The following ALX4 variants were observed in gnomAD, a reference collection of about 807,000 sequenced individuals.
ALX4 encodes ALX homeobox 4, also known as homeobox protein aristaless-like 4.
A neutral mutation model predicts 40.6 loss-of-function variants in ALX4; 22 were observed. That is an observed-to-expected ratio of 0.54 (90% CI 0.39 to 0.77). The LOEUF (loss-of-function observed/expected upper bound fraction) is 0.77. Ranked by LOEUF, ALX4 falls within the 30% of genes least tolerant of loss-of-function variation. The pLI, the probability that ALX4 is intolerant of heterozygous loss-of-function variation, is 0.00. For missense variants in ALX4, 556 were observed against 564.8 expected (o/e 0.98, Z 0.16); for synonymous variants, 266 against 240.5 (o/e 1.11, Z -0.98).
intron 1 of ALX4, among the ~76,000 whole-genome samples, chr11:44,284,330 G>A (rs745467372): frequency 1.3e-5 from 2 of 152,174 alleles, no homozygotes; most frequent in South Asian, 2.1e-4. Context: ...TCTGAGAGCG[G>A]GCTGGGCTCT....
At chr11:44,275,030 G>A (rs1009219657) in intron 2 of ALX4, among the ~76,000 whole-genome samples, 1 of 152,154 alleles carries the variant, frequency 6.6e-6, no homozygotes, top group African/African-American at 2.4e-5. Context: ...GTGTGAAAGA[G>A]CCAGGACTCT....
rs183755683 is a variant in ALX4, at chr11:44,294,343, C to A, written c.466+15254G>T. 2.9e-4 allele frequency among the ~76,000 whole-genome samples: 44 copies of A among 152,308 alleles called. No individual in the cohort carries two copies. The East Asian group carries it at 8.1e-3, about 28-fold the overall frequency. On this transcript the variant is annotated intron_variant, in intron 1 of 3. Transcript: ENST00000652299. ...GAGGTTGCCTGACATTCCCTGAGCC[C>A]GATTCTCTGTGCTCAGCCCTGTGCT... is the stretch of plus-strand genomic sequence containing the variant.
chr11:44,284,716 G>T (rs1036008161), intron 1 of ALX4, among the ~76,000 whole-genome samples: 3 of 151,998 alleles, frequency 2.0e-5, no homozygotes, highest in African/African-American at 7.2e-5. Flanking sequence ...TCAGGCTTCC[G>T]CACTCCTGCG....
At chr11:44,287,272 A>C (rs1956344213) in intron 1 of ALX4, among the ~76,000 whole-genome samples, 1 of 152,140 alleles carries the variant, frequency 6.6e-6, no homozygotes, top group East Asian at 1.9e-4. Flanking sequence ...AAAGGGATTA[A>C]TGCTGGGCTC....
intron 2 of ALX4, among the ~76,000 whole-genome samples, chr11:44,268,190 A>G (rs527859695): frequency 1.2e-4 from 19 of 152,332 alleles, no homozygotes; most frequent in African/African-American, 4.3e-4. Flanking sequence ...CTGCTGGGCA[A>G]CAGAGGCAGT....
rs1956177341 is a variant in ALX4 at position 44,260,632 on chromosome 11, A to G, written c.*4222T>C. On this transcript the variant is annotated 3_prime_UTR_variant, in exon 4 of 4. Transcript: ENST00000652299. ...GATGTAAGTGCAATAACTTACTTTA[A>G]AAGGCAAGAACGTTTCTTTTAATAT... 1 of 152,244 alleles carries G rather than the reference A, an allele frequency of 6.6e-6. No individual in the cohort carries two copies. Among genetic ancestry groups the G allele is most frequent in the Non-Finnish European group, 1.5e-5 (1 of 68,046 alleles). 9.4% of individuals were successfully genotyped at this position (152,244 alleles called of 1,614,324 possible).
chr11:44,290,760 T>C (rs1956364393), intron 1 of ALX4, among the ~76,000 whole-genome samples: 1 of 152,194 alleles, frequency 6.6e-6, no homozygotes, highest in Non-Finnish European at 1.5e-5. Flanking sequence ...CTTGGAAAAG[T>C]GACTTGACCT....
chr11:44,271,172 T>C lies in ALX4; in HGVS notation c.778-3550A>G, dbSNP rs60135625. On this transcript the variant is annotated intron_variant, in intron 2 of 3. Coordinates refer to ENST00000652299, the MANE Select transcript of ALX4 (RefSeq NM_021926.4). ...CCACCCCCTTACCCCCCCAGGGCAC[T>C]GCCAGGCTTAGGGCTCAACCCAGAG... 2.6e-3 allele frequency among the ~76,000 whole-genome samples: 394 copies of C among 151,850 alleles called. 1 individual carries two copies. Among genetic ancestry groups the C allele is most frequent in the African/African-American group, 8.8e-3 (363 of 41,338 alleles).
intron 1 of ALX4, among the ~76,000 whole-genome samples, chr11:44,301,469 G>C (rs950406143): frequency 1.3e-5 from 2 of 152,220 alleles, no homozygotes; most frequent in Non-Finnish European, 2.9e-5. Flanking sequence ...TGGTGGGGCT[G>C]CATTAGAGTC....
At chr11:44,282,090 G>C (rs1364654400) in intron 1 of ALX4, among the ~76,000 whole-genome samples, 1 of 152,192 alleles carries the variant, frequency 6.6e-6, no homozygotes, top group African/African-American at 2.4e-5. Context: ...AATGTGTTCT[G>C]GGGGGAATGC....
At chr11:44,286,748 C>T (rs1956340901) in intron 1 of ALX4, among the ~76,000 whole-genome samples, 1 of 152,172 alleles carries the variant, frequency 6.6e-6, no homozygotes, top group Non-Finnish European at 1.5e-5. Context: ...TTTCACATTC[C>T]TGCCTCATTC....
chr11:44,273,355 GAAACTT>G (rs1196725795), intron 2 of ALX4, among the ~76,000 whole-genome samples: 1 of 152,158 alleles, frequency 6.6e-6, no homozygotes, highest in African/African-American at 2.4e-5. Context: ...GTGTTAAATT[GAAACTT>G]AAACTTGAGT....
chr11:44,293,426 A>ATAT (rs59264495), intron 1 of ALX4, among the ~76,000 whole-genome samples: 22 of 151,224 alleles, frequency 1.5e-4, no homozygotes, highest in African/African-American at 1.9e-4. Flanking sequence ...AAAAGAAAAA[A>ATAT]AAATATATAT....
intron 1 of ALX4, among the ~76,000 whole-genome samples, chr11:44,291,555 C>G (rs933258986): frequency 6.6e-6 from 1 of 152,100 alleles, no homozygotes; most frequent in South Asian, 2.1e-4. Flanking sequence ...GCTACAGGCA[C>G]ATGCCGCCAC....
intron 1 of ALX4, among the ~76,000 whole-genome samples, chr11:44,280,908 G>T (rs545208781): frequency 6.6e-6 from 1 of 152,230 alleles, no homozygotes; most frequent in Non-Finnish European, 1.5e-5. Context: ...CGTACCACTG[G>T]GAGCTGTCGT....
intron 1 of ALX4, among the ~76,000 whole-genome samples, chr11:44,285,975 G>A (rs566182524): frequency 6.6e-6 from 1 of 152,344 alleles, no homozygotes; most frequent in East Asian, 1.9e-4. Flanking sequence ...AAATGCCTGT[G>A]TGTGCCTGGG....
chr11:44,278,424 C>A (rs973027342), intron 1 of ALX4, among the ~76,000 whole-genome samples: 9 of 152,170 alleles, frequency 5.9e-5, no homozygotes, highest in East Asian at 1.9e-4. Context: ...CTCATATGAC[C>A]AAGGCGTCCT....
At chr11:44,298,627 G>C (rs555442200) in intron 1 of ALX4, among the ~76,000 whole-genome samples, 1 of 152,248 alleles carries the variant, frequency 6.6e-6, no homozygotes, top group Non-Finnish European at 1.5e-5. Flanking sequence ...GACCCCGGGG[G>C]CTGTGGCAGT....
chr11:44,280,317 G>A (rs1049858448), intron 1 of ALX4, among the ~76,000 whole-genome samples: 27 of 152,196 alleles, frequency 1.8e-4, no homozygotes, highest in Non-Finnish European at 2.6e-4. Context: ...GATCTGCCAG[G>A]AACTGGCTCC....
Sources: allele counts gnomAD v4.1 joint callset (sites outside exome capture counted in the v4.1 genomes callset), GRCh38; gene constraint gnomAD v4.1.1; transcripts MANE v1.5; gene names NCBI Gene and HGNC (gene_info 2026-07-23, HGNC 2026-07-21).